MGAT5: variants seen among roughly 807,000 people sequenced by gnomAD.
The protein encoded by MGAT5 is alpha-1,6-mannosylglycoprotein 6-beta-N-acetylglucosaminyltransferase A.
A neutral mutation model predicts 94.3 loss-of-function variants in MGAT5; 30 were observed. That is an observed-to-expected ratio of 0.32 (90% CI 0.24 to 0.43). The LOEUF is 0.43. Ranked by LOEUF, MGAT5 falls within the 20% of genes least tolerant of loss-of-function variation. MGAT5 has a pLI of 1.00. For missense variants in MGAT5, 691 were observed against 905.5 expected, an observed-to-expected ratio of 0.76 and a Z score of 3.04; for synonymous variants, 310 against 322.9, an observed-to-expected ratio of 0.96 and a Z score of 0.43.
chr2:134,275,830 C>T (rs1474381664), intron 2 of MGAT5, among the ~76,000 whole-genome samples: 3 of 151,974 alleles, frequency 2.0e-5, no homozygotes, highest in African/African-American at 7.3e-5. Context: ...TCAAACGATC[C>T]TCCCACCTCA....
chr2:134,293,885 A>G lies in MGAT5; in HGVS notation c.406+23335A>G, dbSNP rs918069566. Among the ~76,000 whole-genome samples the G allele has an allele frequency of 3.8e-4, 58 of 152,176 alleles. 1 individual carries two copies. Among genetic ancestry groups the G allele is most frequent in the African/African-American group, 1.4e-3 (57 of 41,440 alleles). ...GGCTTTGCTAGCATGAAATGAGACC[A>G]TCTCCTCTCCTCATACAGAAGTGTG... On this transcript the variant is annotated intron_variant, in intron 2 of 15. Coordinates refer to ENST00000281923, the MANE Select transcript of MGAT5 (RefSeq NM_002410.5).
chr2:134,264,017 G>GTTTT (rs763608726), intron 1 of MGAT5, among the ~76,000 whole-genome samples: 3,872 of 108,380 alleles, frequency 0.036, 290 homozygotes, highest in East Asian at 0.13. Context: ...ATGCCATTAG[G>GTTTT]TTTTTTTTTT....
chr2:134,451,097 T>C lies in MGAT5; in HGVS notation c.*2250T>C, dbSNP rs1686082863. 6.6e-6 allele frequency: 1 copy of C among 152,010 alleles called. No individual in the cohort carries two copies. The highest frequency in any genetic ancestry group is 1.5e-5 in the Non-Finnish European group (1 of 68,014). 9.4% of individuals were successfully genotyped at this position (152,010 alleles called of 1,614,324 possible). ...GGGAGCCTGCAGGCCGAGCAAAGTT[T>C]AACCCACTTAGCCACTGCTACTTAA... is the stretch of plus-strand genomic sequence containing the variant. On this transcript the variant is annotated 3_prime_UTR_variant, in exon 16 of 16. Coordinates refer to ENST00000281923, the MANE Select transcript of MGAT5 (RefSeq NM_002410.5).
At chr2:134,267,125 C>A (rs1683767811) in intron 1 of MGAT5, among the ~76,000 whole-genome samples, 1 of 152,096 alleles carries the variant, frequency 6.6e-6, no homozygotes, top group Non-Finnish European at 1.5e-5. Context: ...ATGGCAAAAT[C>A]CCAGAGGTTA....
At chr2:134,159,677 C>T (rs986877319) in intron 1 of MGAT5, among the ~76,000 whole-genome samples, 3 of 152,100 alleles carry the variant, frequency 2.0e-5, no homozygotes, top group Non-Finnish European at 4.4e-5. Context: ...TGGGGAAACC[C>T]TGTATCTACT....
At chr2:134,301,055 G>A (rs1685985964) in intron 2 of MGAT5, among the ~76,000 whole-genome samples, 1 of 152,024 alleles carries the variant, frequency 6.6e-6, no homozygotes, top group Non-Finnish European at 1.5e-5. Flanking sequence ...TCTCTACTCT[G>A]ATTTCAATCA....
At chr2:134,290,682 C>G (rs1573716925) in intron 2 of MGAT5, among the ~76,000 whole-genome samples, 1 of 152,316 alleles carries the variant, frequency 6.6e-6, no homozygotes, top group East Asian at 1.9e-4. Flanking sequence ...CAGTTGATTG[C>G]TGTGACAGAG....
chr2:134,132,529 A>G (rs1390344974), intron 1 of MGAT5, among the ~76,000 whole-genome samples: 4 of 152,254 alleles, frequency 2.6e-5, no homozygotes, highest in East Asian at 1.9e-4. Flanking sequence ...CTGGCTGCCT[A>G]TTTTGTAAAT....
At chr2:134,130,256 C>CGCCCCACACCGCCCCACACA (rs1558947577) in intron 1 of MGAT5, among the ~76,000 whole-genome samples, 5 of 150,886 alleles carry the variant, frequency 3.3e-5, no homozygotes, top group African/African-American at 1.2e-4. Flanking sequence ...CGCCCCACAC[C>CGCCCCACACCGCCCCACACA]GCCCCACACC....
At chr2:134,298,262 A>T (rs2105808100) in intron 2 of MGAT5, among the ~76,000 whole-genome samples, 1 of 151,890 alleles carries the variant, frequency 6.6e-6, no homozygotes, top group East Asian at 1.9e-4. Context: ...TACCTGGCTC[A>T]TTTTTTTGTA....
intron 15 of MGAT5, among the ~76,000 whole-genome samples, chr2:134,446,192 T>C (rs1685764061): frequency 6.6e-6 from 1 of 152,072 alleles, no homozygotes; most frequent in Admixed American, 6.5e-5. Flanking sequence ...AGGCTTCTGC[T>C]GCTGCAGCCT....
intron 1 of MGAT5, among the ~76,000 whole-genome samples, chr2:134,192,020 C>G (rs1474752993): frequency 6.8e-6 from 1 of 146,130 alleles, no homozygotes; most frequent in African/African-American, 2.6e-5. Flanking sequence ...CTCGCGTGAG[C>G]GGGTTCCTGA....
intron 12 of MGAT5, among the ~76,000 whole-genome samples, chr2:134,421,274 A>T (rs555738305): frequency 6.6e-6 from 1 of 152,314 alleles, no homozygotes; most frequent in African/African-American, 2.4e-5. Flanking sequence ...AATTCAATGT[A>T]TGTTTGAACT....
chr2:134,414,209 T>G (rs1168574791), intron 12 of MGAT5, among the ~76,000 whole-genome samples: 1 of 151,946 alleles, frequency 6.6e-6, no homozygotes, highest in African/African-American at 2.4e-5. Flanking sequence ...AATTCTTCAT[T>G]TGGGGAGTGG....
Position 134,254,534 on chromosome 2 carries a change from C to T in MGAT5, c.131C>T (p.Ser44Phe). ...IQQRTQPESS[S>F]MLREQILDLS... ...CAGCGAACTCAGCCTGAAAGCAGCT[C>T]CATGCTGCGCGAGCAGATCCTGGAC... Residue 44 changes from serine to phenylalanine, a missense_variant, in exon 1 of 16, where the codon TCC becomes TTC. By Grantham distance (155) the Ser-to-Phe change is radical (BLOSUM62 -2). This residue lies in a region of MGAT5 where 307 missense variants were observed against 335.4 expected (regional missense o/e 0.92). Coordinates refer to ENST00000281923, the MANE Select transcript of MGAT5 (RefSeq NM_002410.5). The T allele has an allele frequency of 6.2e-7, 1 of 1,614,190 alleles. No individual in the cohort carries two copies. Among genetic ancestry groups the T allele is most frequent in the South Asian group, 1.1e-5 (1 of 91,084 alleles).
intron 15 of MGAT5, among the ~76,000 whole-genome samples, chr2:134,447,372 GACA>G (rs1685847536): frequency 6.6e-6 from 1 of 152,206 alleles, no homozygotes; most frequent in Non-Finnish European, 1.5e-5. Context: ...CCACAATCCT[GACA>G]ACAATGATGG....
chr2:134,129,496 T>A (rs968390577), intron 1 of MGAT5, among the ~76,000 whole-genome samples: 1 of 152,098 alleles, frequency 6.6e-6, no homozygotes, highest in African/African-American at 2.4e-5. Flanking sequence ...TCCTCAAAAC[T>A]CCAAATAAGG....
intron 4 of MGAT5, among the ~76,000 whole-genome samples, chr2:134,331,198 G>A (rs952967643): frequency 3.9e-5 from 6 of 152,228 alleles, no homozygotes; most frequent in African/African-American, 1.4e-4. Context: ...GTTCAAAGAA[G>A]TTTAAATCAC....
At chr2:134,243,786 G>C (rs994738493) in intron 1 of MGAT5, among the ~76,000 whole-genome samples, 1 of 152,118 alleles carries the variant, frequency 6.6e-6, no homozygotes, top group Non-Finnish European at 1.5e-5. Flanking sequence ...TCTGCAAATA[G>C]GGCAGCTGGA....
Sources: allele counts gnomAD v4.1 joint callset (sites outside exome capture counted in the v4.1 genomes callset), GRCh38; gene constraint gnomAD v4.1.1; regional missense constraint gnomAD v4.1.1; transcripts MANE v1.5; gene names NCBI Gene and HGNC (gene_info 2026-07-23, HGNC 2026-07-21).